SEL1L: variants seen among roughly 807,000 people sequenced by gnomAD.
SEL1L encodes the protein SEL1L adaptor subunit of SYVN1 ubiquitin ligase, also known as protein sel-1 homolog 1.
A neutral mutation model predicts 109.8 loss-of-function variants in SEL1L; 52 were observed. The ratio of observed to expected loss-of-function variants is 0.47; its 90% CI spans 0.38 to 0.60. SEL1L has a LOEUF of 0.60. Ranked by LOEUF, SEL1L falls within the 20% of genes least tolerant of loss-of-function variation. SEL1L has a pLI of 0.00. For missense variants in SEL1L, 749 were observed against 962.2 expected, an observed-to-expected ratio of 0.78 and a Z score of 2.93; for synonymous variants, 373 against 339.6, an observed-to-expected ratio of 1.10 and a Z score of -1.08.
intron 3 of SEL1L, among the ~76,000 whole-genome samples, chr14:81,512,952 T>C (rs2140037230): frequency 6.6e-6 from 1 of 152,288 alleles, no homozygotes; most frequent in South Asian, 2.1e-4. Flanking sequence ...CAAACTTAGA[T>C]TTTGGAAGGG....
intron 10 of SEL1L, 28 bp from the exon 11 acceptor site, chr14:81,495,165 G>GT: frequency 2.5e-6 from 4 of 1,606,780 alleles, no homozygotes; most frequent in African/African-American, 1.3e-5. Flanking sequence ...CAAGGCAAAA[G>GT]TAAGTGGTAC....
In SEL1L at chr14:81,476,952, A is replaced by C; in HGVS notation, c.*20T>G. 1 of 1,612,600 alleles carries C rather than the reference A, an allele frequency of 6.2e-7. No homozygotes were observed. The highest frequency in any genetic ancestry group is 1.1e-5 in the South Asian group (1 of 91,022). On this transcript the variant is annotated 3_prime_UTR_variant, in exon 21 of 21. Coordinates refer to ENST00000336735, the MANE Select transcript of SEL1L (RefSeq NM_005065.6). ...ATAACTTCCTTCGCTGTCACTGATC[A>C]AGGCTGGACCCAGTGCCTATTACTG...
At position 81,485,699 on chromosome 14, in the gene SEL1L, G is replaced by C. The variant is rs185933768; in HGVS notation, c.1846C>G (p.Leu616Val). The C allele has an allele frequency of 8.7e-6, 14 of 1,613,896 alleles. No homozygotes were observed. Among genetic ancestry groups the C allele is most frequent in the African/African-American group, 1.3e-5 (1 of 74,890 alleles). ...TGAGAGGCGGCCCTGTTCCAATGTA[G>C]CAAAGCTCTGGGATAAGTTTCATTC... ...GENETYPRALLHWNRAASQGY... is the reference protein window; with the variant it reads ...GENETYPRALVHWNRAASQGY... The change falls in exon 18 of 21, where the codon CTA (leucine) becomes GTA (valine). Residue 616 changes from leucine (L) to valine (V), a missense_variant. Coordinates refer to ENST00000336735, the MANE Select transcript of SEL1L (RefSeq NM_005065.6).
At chr14:81,515,142 C>T (rs1444035218) in intron 3 of SEL1L, among the ~76,000 whole-genome samples, 1 of 152,094 alleles carries the variant, frequency 6.6e-6, no homozygotes, top group African/African-American at 2.4e-5. Context: ...AAGAAATCTC[C>T]AAAGGACCAC....
At position 81,495,157 on chromosome 14, in the gene SEL1L, A is replaced by C. The variant is rs1358862922; in HGVS notation, c.1129-20T>G. The C allele has an allele frequency of 6.2e-7, 1 of 1,612,806 alleles. No individual in the cohort carries two copies. Among genetic ancestry groups the C allele is most frequent in the Admixed American group, 1.7e-5 (1 of 59,986 alleles). On this transcript the variant is annotated intron_variant, in intron 10 of 20. Transcript: ENST00000336735. ...ACCAACCTGAAAATGATCACAAACA[A>C]GGCAAAAGTAAGTGGTACCATCTGG...
At chr14:81,499,748 T>C (rs960335192) in intron 6 of SEL1L, 86 bp from the exon 7 acceptor site, 20 of 1,010,562 alleles carry the variant, frequency 2.0e-5, no homozygotes, top group African/African-American at 9.8e-5. Context: ...TTATATACTA[T>C]GAAAAAATGC....
In SEL1L at chr14:81,479,333, T is replaced by TA. The variant is rs1315957403; in HGVS notation, c.2175+278dup. 7 of 226,186 alleles carry TA rather than the reference T, an allele frequency of 3.1e-5. No individual in the cohort carries two copies. In the East Asian group the frequency reaches 6.3e-4, roughly 20 times the overall value. The allele number at this position is 226,186 out of a possible 1,614,324, so 14.0% of individuals were successfully genotyped here. The stretch of plus-strand genomic sequence containing the variant: ...AATACTGTTTCAAACTGCCATGAGT[T>TA]AGTCTCAGTTTTCCCTAAACCAGAA... On this transcript the variant is annotated intron_variant, in intron 20 of 20. Coordinates refer to ENST00000336735, the MANE Select transcript of SEL1L (RefSeq NM_005065.6).
In SEL1L at chr14:81,477,145, G is replaced by C. The variant is rs757040200; in HGVS notation, c.2212C>G (p.Leu738Val). 6.2e-7 allele frequency: 1 copy of C among 1,614,154 alleles called. No individual in the cohort carries two copies. The highest frequency in any genetic ancestry group is 2.2e-5 in the East Asian group (1 of 44,882). ...DMFTQLDMDQ[L>V]LGPEWDLYLM... ...TAAAGGTCCCACTCAGGTCCCAAAAGCTGGTCCATATCAAGTTGGGTGAAC... is the reference window on the plus strand; with the variant it reads ...TAAAGGTCCCACTCAGGTCCCAAAACCTGGTCCATATCAAGTTGGGTGAAC... The change falls in exon 21 of 21, where the codon CTT (leucine) becomes GTT (valine). Residue 738 changes from leucine (L) to valine (V), a missense_variant. Transcript: ENST00000336735.
At chr14:81,485,418 G>C (rs1903487523) in intron 18 of SEL1L, among the ~76,000 whole-genome samples, 1 of 151,936 alleles carries the variant, frequency 6.6e-6, no homozygotes, top group African/African-American at 2.4e-5. Context: ...TGGGATTACA[G>C]GAGCCTGCCA....
Position 81,486,305 on chromosome 14 carries a change from G to A in SEL1L, c.1782C>T (p.Ala594=), listed in dbSNP as rs11851475. ...GAACCTTACTCTGATCAAGAATAAA[G>A]GCTGCATTGCTTTGTGCCACTTCAT... The part of the protein sequence containing the change: ...QGYEVAQSNA[A]FILDQREASI... Residue 594 remains alanine (A), a synonymous_variant, in exon 17 of 21, where the codon GCC becomes GCT. Transcript: ENST00000336735. 25,046 of 1,613,942 alleles carry A rather than the reference G, an allele frequency of 0.016. 2,485 individuals carry two copies. In the African/African-American group the frequency reaches 0.25, roughly 16 times the overall value.
At position 81,487,263 on chromosome 14, in the gene SEL1L, A is replaced by G. The variant is rs997949137; in HGVS notation, c.1632+127T>C. On this transcript the variant is annotated intron_variant, in intron 16 of 20. Coordinates refer to ENST00000336735, the MANE Select transcript of SEL1L (RefSeq NM_005065.6). ...AGACCCCTCGGTCTTCCCTCAGTATATCAAAGCTAGGTAGGCTGAGTCTAG... is the reference window on the plus strand; with the variant it reads ...AGACCCCTCGGTCTTCCCTCAGTATGTCAAAGCTAGGTAGGCTGAGTCTAG... 1.5e-5 allele frequency: 13 copies of G among 849,596 alleles called. No homozygotes were observed. The Admixed American group carries it at 2.1e-4, about 14-fold the overall frequency. The allele number at this position is 849,596 out of a possible 1,614,324, so 52.6% of individuals were successfully genotyped here.
intron 4 of SEL1L, among the ~76,000 whole-genome samples, 179 bp from the exon 5 acceptor site, chr14:81,504,485 A>G (rs1566978066): frequency 6.6e-6 from 1 of 151,652 alleles, no homozygotes; most frequent in South Asian, 2.1e-4. Context: ...AACTTAAAAA[A>G]AATATATATA....
At chr14:81,517,351 A>G (rs1300737054) in intron 3 of SEL1L, among the ~76,000 whole-genome samples, 7 of 152,350 alleles carry the variant, frequency 4.6e-5, no homozygotes, top group Admixed American at 4.6e-4. Context: ...AAGGACCCCC[A>G]AATTCCCAAG....
chr14:81,510,477 T>TCG (rs1468751961), intron 3 of SEL1L, among the ~76,000 whole-genome samples: 7 of 78,574 alleles, frequency 8.9e-5, no homozygotes, highest in African/African-American at 5.1e-4. Flanking sequence ...TGCTGATCTC[T>TCG]CTCTCTCTCT....
chr14:81,533,149 A>AAAGT (rs1885399719), intron 1 of SEL1L, among the ~76,000 whole-genome samples: 1 of 152,188 alleles, frequency 6.6e-6, no homozygotes, highest in South Asian at 2.1e-4. Context: ...AAAAAAGTAA[A>AAAGT]AAGTGGCTAC....
chr14:81,514,376 T>G (rs912006308), intron 3 of SEL1L, among the ~76,000 whole-genome samples: 1 of 152,244 alleles, frequency 6.6e-6, no homozygotes, highest in Non-Finnish European at 1.5e-5. Context: ...CACTTCATTT[T>G]CAGGGCATAA....
intron 3 of SEL1L, among the ~76,000 whole-genome samples, chr14:81,522,279 AATGTCCCAGGC>A (rs1884941107): frequency 6.6e-6 from 1 of 152,196 alleles, no homozygotes; most frequent in African/African-American, 2.4e-5. Flanking sequence ...GGTGTACAGC[AATGTCCCAGGC>A]CTTCACATTC....
intron 11 of SEL1L, among the ~76,000 whole-genome samples, chr14:81,492,805 A>C (rs563103546): frequency 1.3e-5 from 2 of 152,322 alleles, no homozygotes; most frequent in South Asian, 4.1e-4. Context: ...TGCTGCCTAA[A>C]CGTAAGGTAC....
At position 81,498,817 on chromosome 14, in the gene SEL1L, T is replaced by C. The variant is rs1883887890; in HGVS notation, c.892-323A>G. 2.2e-5 allele frequency: 4 copies of C among 184,420 alleles called. No individual in the cohort carries two copies. In the Admixed American group the frequency reaches 2.4e-4, roughly 11 times the overall value. The allele number at this position is 184,420 out of a possible 1,614,324, so 11.4% of individuals were successfully genotyped here. A position where few individuals can be genotyped will look rare whatever the true frequency, so the allele number is the denominator to read the frequency against. Reference sequence around the variant, plus strand: ...TTTTGCTTAGAACCAGTTTTAATCTTAGACATAATTTTATTAAAAATGAGT... The same window carrying C: ...TTTTGCTTAGAACCAGTTTTAATCTCAGACATAATTTTATTAAAAATGAGT... On this transcript the variant is annotated intron_variant, in intron 8 of 20. Coordinates refer to ENST00000336735, the MANE Select transcript of SEL1L (RefSeq NM_005065.6).
Sources: gnomAD v4.1 joint callset for allele counts (sites outside exome capture counted in the v4.1 genomes callset) on GRCh38, gnomAD v4.1.1 for gene constraint, MANE v1.5 for transcripts, NCBI Gene and HGNC (gene_info 2026-07-23, HGNC 2026-07-21) for gene names.